CAMK4: variants seen among roughly 807,000 people sequenced by gnomAD.
CAMK4 encodes calcium/calmodulin dependent protein kinase IV, also known as calcium/calmodulin-dependent protein kinase type IV.
A neutral mutation model predicts 44.9 loss-of-function variants in CAMK4; 22 were observed. That is an observed-to-expected ratio of 0.49 (90% CI 0.35 to 0.70). The LOEUF is 0.70. Among genes scored for constraint, CAMK4 ranks in the 30% least tolerant of loss-of-function variants. The pLI is 0.01. For missense variants in CAMK4, 498 were observed against 586.8 expected (o/e 0.85, Z 1.56); for synonymous variants, 218 against 215.4 (o/e 1.01, Z -0.11).
At chr5:111,371,414 T>C (rs1357191236) in intron 2 of CAMK4, among the ~76,000 whole-genome samples, 1 of 152,210 alleles carries the variant, frequency 6.6e-6, no homozygotes, top group Non-Finnish European at 1.5e-5. Flanking sequence ...CAAAATTCAT[T>C]TGTAACTTGC....
intron 4 of CAMK4, among the ~76,000 whole-genome samples, chr5:111,389,907 G>C (rs1561456932): frequency 6.6e-6 from 1 of 151,624 alleles, no homozygotes; most frequent in East Asian, 1.9e-4. Flanking sequence ...CACGTTTAGA[G>C]TAAAATGCAG....
intron 1 of CAMK4, among the ~76,000 whole-genome samples, chr5:111,289,431 G>A (rs1393725340): frequency 2.6e-5 from 4 of 152,130 alleles, no homozygotes; most frequent in East Asian, 3.9e-4. Context: ...GTGAATATAA[G>A]ATATCCTCCT....
At chr5:111,415,161 A>G (rs1343014035) in intron 5 of CAMK4, among the ~76,000 whole-genome samples, 1 of 152,236 alleles carries the variant, frequency 6.6e-6, no homozygotes, top group South Asian at 2.1e-4. Flanking sequence ...TTCTGGAAAT[A>G]AACGATTCAT....
intron 2 of CAMK4, among the ~76,000 whole-genome samples, chr5:111,373,025 G>C (rs980207909): frequency 1.3e-5 from 2 of 152,136 alleles, no homozygotes; most frequent in African/African-American, 4.8e-5. Context: ...TGGGATGTTT[G>C]TAAATATTTT....
chr5:111,388,889 A>G (rs4957944), intron 4 of CAMK4, among the ~76,000 whole-genome samples: 133,748 of 152,216 alleles, frequency 0.88, 58,998 homozygotes, highest in East Asian at 1. Context: ...ACTATTCTTC[A>G]TATACCTACT....
rs1178681865 is a variant in CAMK4, at chr5:111,230,112, G to C, written c.161+5468G>C. Among the ~76,000 whole-genome samples, 5 of 152,256 alleles carry C rather than the reference G, an allele frequency of 3.3e-5. No individual in the cohort carries two copies. The East Asian group carries it at 9.6e-4, about 29-fold the overall frequency. ...GTGATATTGATTCTAGTGACCCTAG[G>C]ATAAGGAGAATACTGTAACCCTTTT... On this transcript the variant is annotated intron_variant, in intron 1 of 10. Coordinates refer to ENST00000282356, the MANE Select transcript of CAMK4 (RefSeq NM_001744.6).
At chr5:111,422,490 A>C (rs2112920371) in intron 5 of CAMK4, among the ~76,000 whole-genome samples, 1 of 152,364 alleles carries the variant, frequency 6.6e-6, no homozygotes. Context: ...GTAGGTATCT[A>C]TAGAAGTCTT....
chr5:111,480,991 A>G (rs1402090422), intron 9 of CAMK4, among the ~76,000 whole-genome samples: 1 of 152,212 alleles, frequency 6.6e-6, no homozygotes, highest in African/African-American at 2.4e-5. Flanking sequence ...TGTCATCGGC[A>G]GAGACTAAGT....
At chr5:111,348,505 T>G (rs1055763763) in intron 2 of CAMK4, among the ~76,000 whole-genome samples, 1 of 152,040 alleles carries the variant, frequency 6.6e-6, no homozygotes. Flanking sequence ...TAAGTTAATA[T>G]ATATTTTATA....
At chr5:111,398,453 G>A (rs1244186518) in intron 5 of CAMK4, among the ~76,000 whole-genome samples, 1 of 152,150 alleles carries the variant, frequency 6.6e-6, no homozygotes, top group Non-Finnish European at 1.5e-5. Flanking sequence ...TCTACTATCT[G>A]TTCTGGTGGT....
intron 1 of CAMK4, among the ~76,000 whole-genome samples, chr5:111,268,998 C>CT (rs1308209442): frequency 6.6e-6 from 1 of 152,064 alleles, no homozygotes; most frequent in African/African-American, 2.4e-5. Context: ...GCAGGGAAGA[C>CT]TTTTTGGTGA....
chr5:111,405,468 A>G (rs1161458939), intron 5 of CAMK4, among the ~76,000 whole-genome samples: 1 of 152,058 alleles, frequency 6.6e-6, no homozygotes, highest in Non-Finnish European at 1.5e-5. Context: ...CTGCGTCTCA[A>G]AACAAAACAA....
intron 5 of CAMK4, among the ~76,000 whole-genome samples, chr5:111,413,804 T>C (rs2112900526): frequency 6.6e-6 from 1 of 152,046 alleles, no homozygotes; most frequent in South Asian, 2.1e-4. Flanking sequence ...ACCAATACGC[T>C]TAAAAACTAG....
At chr5:111,225,571 C>T (rs755413164) in intron 1 of CAMK4, among the ~76,000 whole-genome samples, 3 of 152,028 alleles carry the variant, frequency 2.0e-5, no homozygotes, top group Non-Finnish European at 4.4e-5. Context: ...GTAATTTCAA[C>T]GGTTGACAAG....
intron 7 of CAMK4, among the ~76,000 whole-genome samples, chr5:111,458,275 C>G (rs57331142): frequency 0.077 from 11,682 of 152,174 alleles, 1,232 homozygotes; most frequent in African/African-American, 0.24. Context: ...CAGAGCTCAT[C>G]TTGTTCTTGA....
intron 1 of CAMK4, among the ~76,000 whole-genome samples, chr5:111,292,038 G>T (rs939214769): frequency 6.6e-6 from 1 of 152,134 alleles, no homozygotes; most frequent in Non-Finnish European, 1.5e-5. Context: ...CCAACATCCT[G>T]CACCAAAATC....
chr5:111,379,782 G>T (rs1044616300), intron 4 of CAMK4, among the ~76,000 whole-genome samples: 47 of 151,904 alleles, frequency 3.1e-4, no homozygotes, highest in African/African-American at 1.0e-3. Flanking sequence ...AATCATATGA[G>T]TCAATTATAC....
chr5:111,323,373 A>G (rs1196129850), intron 1 of CAMK4, among the ~76,000 whole-genome samples: 4 of 152,084 alleles, frequency 2.6e-5, no homozygotes, highest in African/African-American at 9.6e-5. Flanking sequence ...TGTTTGCACT[A>G]TTGTAAAATC....
chr5:111,378,509 G>T (rs1262480821), intron 4 of CAMK4, among the ~76,000 whole-genome samples: 1 of 152,076 alleles, frequency 6.6e-6, no homozygotes, highest in Non-Finnish European at 1.5e-5. Context: ...GTGAGAAGGA[G>T]CAAAAGGTCT....
Sources: allele counts gnomAD v4.1 joint callset (sites outside exome capture counted in the v4.1 genomes callset), GRCh38; gene constraint gnomAD v4.1.1; transcripts MANE v1.5; gene names NCBI Gene and HGNC (gene_info 2026-07-23, HGNC 2026-07-21).